Variants in COBL observed in about 807,000 individuals in gnomAD.
The protein encoded by COBL is protein cordon-bleu.
COBL carries 51 observed loss-of-function variants against 98.8 expected under a neutral mutation model. That is an observed-to-expected ratio of 0.52 (90% confidence interval 0.41 to 0.65). The LOEUF (loss-of-function observed/expected upper bound fraction) is 0.65, where lower values mean the gene tolerates loss of function less well. Among genes scored for constraint, COBL ranks in the 30% least tolerant of loss-of-function variants. COBL has a pLI of 0.00. For synonymous variants in COBL, 634 were observed against 651.7 expected (o/e 0.97, Z 0.41); for missense variants, 1,617 against 1,617.5 (o/e 1.00, Z 0.01).
In COBL at chr7:51,188,620, A is replaced by G. The variant is rs115138382; in HGVS notation, c.685+2230T>C. Among the ~76,000 whole-genome samples, 477 of 152,258 alleles carry G rather than the reference A, an allele frequency of 3.1e-3. 1 individual carries two copies. Among genetic ancestry groups the G allele is most frequent in the African/African-American group, 0.011 (453 of 41,552 alleles). On this transcript the variant is annotated intron_variant, in intron 4 of 12. Transcript: ENST00000265136. ...GGGGTGGAAAGGGCCAAAATGTCCAAAGGAGTAGAGAGGGGGACTTGGAGG... is the reference window on the plus strand; with the variant it reads ...GGGGTGGAAAGGGCCAAAATGTCCAGAGGAGTAGAGAGGGGGACTTGGAGG...
At chr7:51,056,132 A>G (rs1417874460) in intron 7 of COBL, among the ~76,000 whole-genome samples, 1 of 151,740 alleles carries the variant, frequency 6.6e-6, no homozygotes, top group Non-Finnish European at 1.5e-5. Context: ...AGACAGAATG[A>G]GGAAATTACT....
At chr7:51,039,321 A>G (rs1169487843) in intron 8 of COBL, among the ~76,000 whole-genome samples, 1 of 152,190 alleles carries the variant, frequency 6.6e-6, no homozygotes, top group Non-Finnish European at 1.5e-5. Context: ...CCCTGTGAAC[A>G]GTGGTGGGTT....
intron 7 of COBL, chr7:51,064,892 G>C (rs1287203241): frequency 2.0e-6 from 1 of 499,172 alleles, no homozygotes; most frequent in Non-Finnish European, 3.5e-6. Context: ...ACAGTCTCCA[G>C]GGCCCTGCTG....
intron 1 of COBL, among the ~76,000 whole-genome samples, chr7:51,222,280 A>ATACT (rs1444169293): frequency 6.6e-6 from 1 of 152,158 alleles, no homozygotes; most frequent in Non-Finnish European, 1.5e-5. Context: ...TAAAAGGCTT[A>ATACT]TACTTACAAT....
At chr7:51,099,270 T>A (rs1030738705) in intron 6 of COBL, among the ~76,000 whole-genome samples, 3 of 152,122 alleles carry the variant, frequency 2.0e-5, no homozygotes, top group African/African-American at 7.2e-5. Context: ...TGGATATACA[T>A]CCAAAAGAAC....
At chr7:51,191,607 T>C (rs1346657206) in intron 3 of COBL, among the ~76,000 whole-genome samples, 1 of 151,430 alleles carries the variant, frequency 6.6e-6, no homozygotes, top group Non-Finnish European at 1.5e-5. Flanking sequence ...ATATGAAACA[T>C]ATACAGTGTG....
chr7:51,294,084 A>T (rs868156309), intron 1 of COBL, among the ~76,000 whole-genome samples: 1 of 152,118 alleles, frequency 6.6e-6, no homozygotes, highest in Non-Finnish European at 1.5e-5. Context: ...TGAGGTCAGG[A>T]ATTCGAGACC....
chr7:51,133,322 A>G (rs1238727236), intron 6 of COBL, among the ~76,000 whole-genome samples: 1 of 152,210 alleles, frequency 6.6e-6, no homozygotes, highest in Non-Finnish European at 1.5e-5. Flanking sequence ...ACTGCATATA[A>G]TTATTATTCT....
intron 7 of COBL, among the ~76,000 whole-genome samples, chr7:51,076,579 C>T (rs1793095426): frequency 6.6e-6 from 1 of 152,226 alleles, no homozygotes; most frequent in Non-Finnish European, 1.5e-5. Context: ...AAGATACTCT[C>T]TTCTAATTCA....
Position 51,316,738 on chromosome 7 carries a change from A to C in COBL, c.-105T>G. The C allele has an allele frequency of 6.7e-6, 6 of 890,116 alleles. No individual in the cohort carries two copies. Among genetic ancestry groups the C allele is most frequent in the Non-Finnish European group, 8.7e-6 (6 of 688,930 alleles). 55.1% of individuals were successfully genotyped at this position (890,116 alleles called of 1,614,324 possible). On this transcript the variant is annotated 5_prime_UTR_variant, in exon 1 of 13. It removes an upstream start codon present in the reference 5' UTR. Transcript: ENST00000265136. ...TCATTCACTTTTTCCGCGCTGACCC[A>C]TCGTCCTCCCACGCGGGCCGGCGGA...
intron 1 of COBL, among the ~76,000 whole-genome samples, chr7:51,253,443 C>T (rs1250006285): frequency 6.6e-6 from 1 of 152,164 alleles, no homozygotes; most frequent in Non-Finnish European, 1.5e-5. Context: ...GCACAAGATA[C>T]CCCAGGCACA....
intron 1 of COBL, among the ~76,000 whole-genome samples, chr7:51,242,454 A>T (rs1013379447): frequency 6.6e-6 from 1 of 152,180 alleles, no homozygotes; most frequent in African/African-American, 2.4e-5. Flanking sequence ...CTCAAGACAC[A>T]GGAAGCTGGA....
chr7:51,271,107 G>C (rs1206458859), intron 1 of COBL, among the ~76,000 whole-genome samples: 1 of 152,132 alleles, frequency 6.6e-6, no homozygotes, highest in African/African-American at 2.4e-5. Context: ...TCCACGCTGG[G>C]GAGTCTGTGT....
At chr7:51,279,131 G>A (rs1043064920) in intron 1 of COBL, among the ~76,000 whole-genome samples, 3 of 152,226 alleles carry the variant, frequency 2.0e-5, no homozygotes, top group Non-Finnish European at 4.4e-5. Context: ...GATACACAGA[G>A]AGGCTGCCTG....
chr7:51,144,538 G>A (rs1784848517), intron 5 of COBL, among the ~76,000 whole-genome samples: 1 of 152,210 alleles, frequency 6.6e-6, no homozygotes, highest in Admixed American at 6.5e-5. Flanking sequence ...ATAACAAAAT[G>A]TGTGTAATAA....
At position 51,177,775 on chromosome 7, in the gene COBL, AAAATAAATAAATAAAT is replaced by A. The variant is rs147309503; in HGVS notation, c.783+6311_783+6326del. On this transcript the variant is annotated intron_variant, in intron 5 of 12. Coordinates refer to ENST00000265136, the MANE Select transcript of COBL (RefSeq NM_015198.5). Reference sequence around the variant, plus strand: ...GCGACAGAGAGGACTCTGTCTCAAAAAAATAAATAAATAAATAAATAAATAAATAAATAAATAAATA... The same window carrying A: ...GCGACAGAGAGGACTCTGTCTCAAAAAAATAAATAAATAAATAAATAAATA... Among the ~76,000 whole-genome samples, 1,237 of 142,896 alleles carry A rather than the reference AAAATAAATAAATAAAT, an allele frequency of 8.7e-3. 20 individuals carry two copies. Among genetic ancestry groups the A allele is most frequent in the African/African-American group, 0.029 (1,130 of 38,374 alleles). 93.7% of individuals were successfully genotyped at this position (142,896 alleles called of 152,430 possible).
chr7:51,098,224 C>CTTGTTTTTTTTTTTTTTTTTTTTTTTT (rs1795479720), intron 6 of COBL, among the ~76,000 whole-genome samples: 1 of 100,846 alleles, frequency 9.9e-6, no homozygotes, highest in African/African-American at 4.5e-5. Context: ...ATAGCAGTTT[C>CTTGTTTTTTTTTTTTTTTTTTTTTTTT]TTTTTTTTTT....
chr7:51,303,685 G>A (rs1051403485), intron 1 of COBL, among the ~76,000 whole-genome samples: 2 of 152,212 alleles, frequency 1.3e-5, no homozygotes, highest in African/African-American at 4.8e-5. Context: ...GACAAACACA[G>A]ACATGTATCA....
At chr7:51,309,775 A>G (rs573072437) in intron 1 of COBL, among the ~76,000 whole-genome samples, 1 of 152,358 alleles carries the variant, frequency 6.6e-6, no homozygotes, top group South Asian at 2.1e-4. Flanking sequence ...CCAATGACAC[A>G]AAAGCTTACA....
Sources: allele counts gnomAD v4.1 joint callset (sites outside exome capture counted in the v4.1 genomes callset), GRCh38; gene constraint gnomAD v4.1.1; transcripts MANE v1.5; gene names NCBI Gene and HGNC (gene_info 2026-07-23, HGNC 2026-07-21).